Variants in NEK7 observed in about 807,000 individuals in gnomAD.
NEK7 encodes the protein NIMA related kinase 7.
In NEK7, 18 loss-of-function variants were observed where a neutral mutation model predicts 44.6. That is an observed-to-expected ratio of 0.40 (90% CI 0.28 to 0.60). The LOEUF is 0.60. NEK7 is among the 20% of genes least tolerant of loss of function. NEK7 has a pLI of 0.38. For synonymous variants in NEK7, 130 were observed against 121.1 expected (o/e 1.07, Z -0.48); for missense variants, 256 against 366.5 (o/e 0.70, Z 2.46).
chr1:198,256,584 G>T (rs1263715192), intron 3 of NEK7: 10 of 1,351,820 alleles, frequency 7.4e-6, no homozygotes, highest in Admixed American at 5.6e-5. Flanking sequence ...TTCCCTTCCT[G>T]CTGATCATTG....
intron 1 of NEK7, among the ~76,000 whole-genome samples, chr1:198,164,018 A>G (rs1285447860): frequency 1.3e-5 from 2 of 152,122 alleles, no homozygotes; most frequent in African/African-American, 4.8e-5. Flanking sequence ...GGCTGAGCAG[A>G]CTGCTTGAGC....
At chr1:198,291,807 T>G (rs73080780) in intron 7 of NEK7, among the ~76,000 whole-genome samples, 1 of 152,250 alleles carries the variant, frequency 6.6e-6, no homozygotes, top group African/African-American at 2.4e-5. Context: ...CACACATAAC[T>G]ATTAGGTTAT....
intron 1 of NEK7, among the ~76,000 whole-genome samples, chr1:198,159,104 A>G (rs3748738): frequency 0.3 from 46,085 of 152,068 alleles, 7,659 homozygotes; most frequent in Admixed American, 0.4. Flanking sequence ...GCGGGCCTGA[A>G]ATTCCGCTGG....
intron 2 of NEK7, among the ~76,000 whole-genome samples, chr1:198,247,557 T>C (rs1400857823): frequency 6.6e-6 from 1 of 152,218 alleles, no homozygotes; most frequent in Non-Finnish European, 1.5e-5. Context: ...TTATAAGAAT[T>C]ATCTTATGGA....
chr1:198,204,824 G>C (rs1418010963), intron 1 of NEK7, among the ~76,000 whole-genome samples: 7 of 151,012 alleles, frequency 4.6e-5, no homozygotes, highest in African/African-American at 1.5e-4. Flanking sequence ...ATTTTATATA[G>C]ATTTGTAACT....
chr1:198,252,259 A>T (rs558100729), intron 2 of NEK7, among the ~76,000 whole-genome samples: 81 of 151,574 alleles, frequency 5.3e-4, no homozygotes, highest in African/African-American at 1.9e-3. Flanking sequence ...ATAATTTCTG[A>T]TCTTTTACAT....
intron 1 of NEK7, among the ~76,000 whole-genome samples, chr1:198,220,547 A>G (rs2102843285): frequency 6.6e-6 from 1 of 152,248 alleles, no homozygotes; most frequent in South Asian, 2.1e-4. Flanking sequence ...AGAATGAACT[A>G]TCAACTCTAA....
At chr1:198,237,701 C>G (rs1666575683) in intron 2 of NEK7, among the ~76,000 whole-genome samples, 1 of 152,172 alleles carries the variant, frequency 6.6e-6, no homozygotes, top group Non-Finnish European at 1.5e-5. Flanking sequence ...GCTCCTTTCC[C>G]CTTTAATCTA....
chr1:198,171,071 A>G (rs1018326783), intron 1 of NEK7, among the ~76,000 whole-genome samples: 17 of 152,156 alleles, frequency 1.1e-4, no homozygotes, highest in Admixed American at 1.1e-3. Flanking sequence ...TGGCCAAAAC[A>G]TGTATTAAGA....
intron 1 of NEK7, among the ~76,000 whole-genome samples, chr1:198,168,361 T>C (rs1439515735): frequency 6.6e-6 from 1 of 152,230 alleles, no homozygotes; most frequent in Non-Finnish European, 1.5e-5. Flanking sequence ...TGTCTCTTAG[T>C]GTGTGGTCCC....
intron 7 of NEK7, among the ~76,000 whole-genome samples, chr1:198,280,624 A>C (rs190994297): frequency 1.2e-4 from 18 of 152,002 alleles, no homozygotes; most frequent in Admixed American, 1.2e-3. Context: ...TAGAAATTAT[A>C]GAGTAAAATT....
chr1:198,308,136 T>C (rs1311079546), intron 9 of NEK7, among the ~76,000 whole-genome samples: 1 of 152,168 alleles, frequency 6.6e-6, no homozygotes, highest in African/African-American at 2.4e-5. Context: ...TATATAAATA[T>C]GAAATATTTT....
At chr1:198,262,970 A>G (rs1653527653) in intron 4 of NEK7, among the ~76,000 whole-genome samples, 1 of 151,934 alleles carries the variant, frequency 6.6e-6, no homozygotes, top group Admixed American at 6.6e-5. Flanking sequence ...AATGCAAATT[A>G]GCATTATCTC....
chr1:198,223,188 G>A (rs1666119373), intron 1 of NEK7, among the ~76,000 whole-genome samples: 1 of 152,156 alleles, frequency 6.6e-6, no homozygotes, highest in Non-Finnish European at 1.5e-5. Flanking sequence ...TTTGATTTAT[G>A]TTTTCAAAAT....
At chr1:198,263,754 T>A (rs1653556144) in intron 4 of NEK7, among the ~76,000 whole-genome samples, 1 of 151,924 alleles carries the variant, frequency 6.6e-6, no homozygotes, top group African/African-American at 2.4e-5. Context: ...ACTTTATTTA[T>A]CATTGAGTGT....
intron 1 of NEK7, 28 bp from the exon 2 acceptor site, chr1:198,232,525 T>C (rs1666426854): frequency 4.9e-6 from 5 of 1,027,436 alleles, no homozygotes; most frequent in Middle Eastern, 2.0e-4. Context: ...GATTACATTA[T>C]TTAAATTTCA....
chr1:198,252,328 G>A (rs146648964), intron 2 of NEK7, among the ~76,000 whole-genome samples: 3,743 of 151,412 alleles, frequency 0.025, 70 homozygotes, highest in African/African-American at 0.046. Context: ...GTGTGGTGTG[G>A]TGCTGAAAAA....
chr1:198,169,099 G>C (rs1413544366), intron 1 of NEK7, among the ~76,000 whole-genome samples: 1 of 152,116 alleles, frequency 6.6e-6, no homozygotes, highest in Non-Finnish European at 1.5e-5. Flanking sequence ...AGTACATATG[G>C]CTTAGCTCTA....
chr1:198,211,651 A>T (rs953402146), intron 1 of NEK7, among the ~76,000 whole-genome samples: 2 of 152,224 alleles, frequency 1.3e-5, no homozygotes, highest in African/African-American at 2.4e-5. Flanking sequence ...GTGATTGAAG[A>T]ATTTGAAAAA....
Sources: gnomAD v4.1 joint callset for allele counts (sites outside exome capture counted in the v4.1 genomes callset) on GRCh38, gnomAD v4.1.1 for gene constraint, MANE v1.5 for transcripts, NCBI Gene and HGNC (gene_info 2026-07-23, HGNC 2026-07-21) for gene names.